Variants in BIRC2 observed in about 807,000 individuals in gnomAD.
BIRC2 encodes the protein baculoviral IAP repeat-containing protein 2.
BIRC2 carries 18 observed loss-of-function variants against 60.9 expected under a neutral mutation model. The observed-to-expected ratio is 0.30, with a 90% CI of 0.20 to 0.44. BIRC2 has a LOEUF of 0.44. Ranked by LOEUF, BIRC2 falls within the 20% of genes least tolerant of loss-of-function variation. The pLI is 1.00. For synonymous variants in BIRC2, 282 were observed against 247.7 expected (o/e 1.14, Z -1.30); for missense variants, 701 against 728.5 (o/e 0.96, Z 0.43).
chr11:102,352,296 A>C (rs1239328952), intron 3 of BIRC2, among the ~76,000 whole-genome samples: 1 of 151,630 alleles, frequency 6.6e-6, no homozygotes, highest in Non-Finnish European at 1.5e-5. Flanking sequence ...TGTACTTTTT[A>C]GTAGAGATGG....
chr11:102,355,186 G>A (rs1031587634), intron 3 of BIRC2, among the ~76,000 whole-genome samples: 1 of 152,022 alleles, frequency 6.6e-6, no homozygotes, highest in Non-Finnish European at 1.5e-5. Flanking sequence ...GCCAAGACCA[G>A]TGCCAAGGAG....
chr11:102,373,905 C>T (rs1200359970), intron 6 of BIRC2, among the ~76,000 whole-genome samples: 1 of 146,092 alleles, frequency 6.8e-6, no homozygotes, highest in Admixed American at 6.8e-5. Context: ...CTTCTCGCTT[C>T]ATTTCATTCA....
At chr11:102,375,740 C>G (rs534817057) in intron 6 of BIRC2, among the ~76,000 whole-genome samples, 2 of 151,158 alleles carry the variant, frequency 1.3e-5, no homozygotes, top group South Asian at 4.2e-4. Context: ...AGATCGTGCC[C>G]CTGCACTCCA....
At chr11:102,362,317 AATAGAT>A (rs1469241676) in intron 3 of BIRC2, among the ~76,000 whole-genome samples, 1 of 152,194 alleles carries the variant, frequency 6.6e-6, no homozygotes, top group Non-Finnish European at 1.5e-5. Flanking sequence ...AAAGGAATAG[AATAGAT>A]ATAGATGGTA....
At position 102,350,930 on chromosome 11, in the gene BIRC2, A is replaced by C. The variant is rs1164847187; in HGVS notation, c.982A>C (p.Lys328Gln). The change falls in exon 3 of 9, where the codon AAG (lysine) becomes CAG (glutamine). Residue 328 changes from lysine to glutamine, a missense_variant. Around this residue, in one of 4 missense-constraint regions of BIRC2, gnomAD observed 39 missense variants for 69.8 expected, o/e 0.56. Coordinates refer to ENST00000227758, the MANE Select transcript of BIRC2 (RefSeq NM_001166.5). Reference protein sequence around the residue: ...SGDDPWVEHAKWFPRCEFLIR... With the variant: ...SGDDPWVEHAQWFPRCEFLIR... ...AGATGATCCATGGGTAGAACATGCC[A>C]AGTGGTTTCCAAGGTAATTGTTTTG... The C allele has an allele frequency of 6.2e-7, 1 of 1,613,734 alleles. No homozygotes were observed. Among genetic ancestry groups the C allele is most frequent in the East Asian group, 2.2e-5 (1 of 44,876 alleles).
chr11:102,373,423 A>G (rs968857895), intron 6 of BIRC2, among the ~76,000 whole-genome samples: 2 of 151,950 alleles, frequency 1.3e-5, no homozygotes, highest in Non-Finnish European at 2.9e-5. Flanking sequence ...TCCTTCACTT[A>G]TGAAGCTTAG....
chr11:102,351,160 C>T (rs555106806), intron 3 of BIRC2, among the ~76,000 whole-genome samples: 7 of 152,134 alleles, frequency 4.6e-5, no homozygotes, highest in South Asian at 4.2e-4. Flanking sequence ...CAAGTATGAC[C>T]GTACATTTTA....
chr11:102,363,088 C>T (rs1951504245), intron 4 of BIRC2, 114 bp downstream of exon 4: 4 of 725,714 alleles, frequency 5.5e-6, no homozygotes, highest in Non-Finnish European at 9.1e-6. Context: ...ATGGCCAAAA[C>T]CGTGATCACT....
intron 3 of BIRC2, among the ~76,000 whole-genome samples, chr11:102,354,225 T>C (rs1021354421): frequency 6.6e-5 from 10 of 152,214 alleles, no homozygotes; most frequent in African/African-American, 2.4e-4. Flanking sequence ...TTTTATTTAT[T>C]TTGAGATGGA....
At chr11:102,368,868 A>G (rs1294804303) in intron 6 of BIRC2, among the ~76,000 whole-genome samples, 2 of 152,024 alleles carry the variant, frequency 1.3e-5, no homozygotes, top group African/African-American at 4.8e-5. Flanking sequence ...TGTTTTGAAA[A>G]AGCAAGATGT....
chr11:102,364,165 A>AT (rs1951521324), intron 5 of BIRC2, among the ~76,000 whole-genome samples: 5 of 92,438 alleles, frequency 5.4e-5, no homozygotes, highest in Non-Finnish European at 1.0e-4. Context: ...ATATATATAT[A>AT]TATATATATA....
intron 6 of BIRC2, 101 bp downstream of exon 6, chr11:102,368,649 CT>C (rs1951581276): frequency 6.8e-7 from 1 of 1,467,906 alleles, no homozygotes. Context: ...CCACTAACTG[CT>C]GGTAGCAGTC....
intron 3 of BIRC2, among the ~76,000 whole-genome samples, chr11:102,353,306 AAAC>A (rs1286587432): frequency 6.6e-6 from 1 of 152,138 alleles, no homozygotes; most frequent in East Asian, 1.9e-4. Context: ...GCTTCTCTGA[AAAC>A]AACACATTTC....
chr11:102,372,282 T>C (rs938749918), intron 6 of BIRC2, among the ~76,000 whole-genome samples: 3 of 152,242 alleles, frequency 2.0e-5, no homozygotes, highest in African/African-American at 7.2e-5. Flanking sequence ...TTTAGATCTT[T>C]CCTGCTTTCT....
At position 102,366,842 on chromosome 11, in the gene BIRC2, A is replaced by G. The variant is rs189833320; in HGVS notation, c.1124-1464A>G. On this transcript the variant is annotated intron_variant, in intron 5 of 8. Coordinates refer to ENST00000227758, the MANE Select transcript of BIRC2 (RefSeq NM_001166.5). ...TGCATGCTTGAAACACTCCTAGAATATTCTACCAAACTTAGAATAAAATAT... is the reference window on the plus strand; with the variant it reads ...TGCATGCTTGAAACACTCCTAGAATGTTCTACCAAACTTAGAATAAAATAT... 2.0e-5 allele frequency among the ~76,000 whole-genome samples: 3 copies of G among 152,314 alleles called. No individual in the cohort carries two copies. The East Asian group carries it at 5.8e-4, about 29-fold the overall frequency.
At chr11:102,354,060 G>A (rs1591533882) in intron 3 of BIRC2, among the ~76,000 whole-genome samples, 1 of 152,138 alleles carries the variant, frequency 6.6e-6, no homozygotes, top group East Asian at 1.9e-4. Flanking sequence ...AATGTGATCT[G>A]CATTTGGTTG....
intron 6 of BIRC2, among the ~76,000 whole-genome samples, chr11:102,374,558 C>T (rs867787782): frequency 4.0e-5 from 6 of 151,162 alleles, no homozygotes; most frequent in Non-Finnish European, 5.9e-5. Context: ...GGGAGAACCA[C>T]TGCTCTCTTC....
At chr11:102,368,985 A>T (rs1205938195) in intron 6 of BIRC2, among the ~76,000 whole-genome samples, 1 of 151,842 alleles carries the variant, frequency 6.6e-6, no homozygotes, top group Non-Finnish European at 1.5e-5. Context: ...AGTGATCCTC[A>T]TACACAAAAT....
At position 102,349,324 on chromosome 11, in the gene BIRC2, T is replaced by G. The variant is rs1411762082; in HGVS notation, c.-531T>G. ...ACCATATGAAGGTTTTAATTACTTT[T>G]GTTTATTGGAATAAAATGAGATTTT... On this transcript the variant is annotated 5_prime_UTR_variant, in exon 2 of 9. Coordinates refer to ENST00000227758, the MANE Select transcript of BIRC2 (RefSeq NM_001166.5). 6.6e-6 allele frequency: 1 copy of G among 152,468 alleles called. No individual in the cohort carries two copies. The highest frequency in any genetic ancestry group is 6.5e-5 in the Admixed American group (1 of 15,296). The allele number at this position is 152,468 out of a possible 1,614,324, so 9.4% of individuals were successfully genotyped here. A position where few individuals can be genotyped will look rare whatever the true frequency, so the allele number is the denominator to read the frequency against.
Sources: allele counts gnomAD v4.1 joint callset (sites outside exome capture counted in the v4.1 genomes callset), GRCh38; gene constraint gnomAD v4.1.1; regional missense constraint gnomAD v4.1.1; transcripts MANE v1.5; gene names NCBI Gene and HGNC (gene_info 2026-07-23, HGNC 2026-07-21).